Variants in OLA1 observed in about 807,000 individuals in gnomAD.
OLA1 encodes the protein Obg like ATPase 1.
OLA1 carries 14 observed loss-of-function variants against 48.4 expected under a neutral mutation model. That is an observed-to-expected ratio of 0.29 (90% CI 0.19 to 0.45). The LOEUF is 0.45. Among genes scored for constraint, OLA1 ranks in the 20% least tolerant of loss-of-function variants. The pLI is 1.00. For synonymous variants in OLA1, 127 were observed against 150.4 expected, an observed-to-expected ratio of 0.84 and a Z score of 1.14; for missense variants, 325 against 467.1, an observed-to-expected ratio of 0.70 and a Z score of 2.80.
At chr2:174,238,694 A>T (rs939926517) in intron 2 of OLA1, among the ~76,000 whole-genome samples, 2 of 152,018 alleles carry the variant, frequency 1.3e-5, no homozygotes, top group Admixed American at 1.3e-4. Flanking sequence ...GTCACATGTG[A>T]CCCAGAAATT....
chr2:174,179,011 C>T (rs1307096170), intron 4 of OLA1, among the ~76,000 whole-genome samples: 1 of 151,804 alleles, frequency 6.6e-6, no homozygotes, highest in East Asian at 1.9e-4. Context: ...AGTTTATGAT[C>T]TGAGCTATAT....
chr2:174,092,721 C>T lies in OLA1; in HGVS notation c.729-10657G>A, dbSNP rs938320681. ...ACATACCTTATCTACTTGTCTTCTACCAGAGTCAACCTTCAGAAATTAATA... is the reference window on the plus strand; with the variant it reads ...ACATACCTTATCTACTTGTCTTCTATCAGAGTCAACCTTCAGAAATTAATA... On this transcript the variant is annotated intron_variant, in intron 7 of 10. Coordinates refer to ENST00000284719, the MANE Select transcript of OLA1 (RefSeq NM_013341.5). Among the ~76,000 whole-genome samples, 26 of 151,658 alleles carry T rather than the reference C, an allele frequency of 1.7e-4. 1 individual carries two copies. Among genetic ancestry groups the T allele is most frequent in the African/African-American group, 6.3e-4 (26 of 40,988 alleles).
At chr2:174,098,276 G>A (rs764962049) in intron 7 of OLA1, among the ~76,000 whole-genome samples, 1 of 152,094 alleles carries the variant, frequency 6.6e-6, no homozygotes. Flanking sequence ...GCAACCTGTG[G>A]CAAAACTTTC....
At chr2:174,180,061 T>C (rs924381924) in intron 4 of OLA1, among the ~76,000 whole-genome samples, 10 of 152,122 alleles carry the variant, frequency 6.6e-5, no homozygotes, top group Admixed American at 2.0e-4. Flanking sequence ...AGGGCAACCT[T>C]AAGTTTATTT....
At chr2:174,140,369 CTT>C (rs111932848) in intron 5 of OLA1, among the ~76,000 whole-genome samples, 3 of 144,068 alleles carry the variant, frequency 2.1e-5, no homozygotes, top group Non-Finnish European at 1.5e-5. Context: ...CTTTTTCTTT[CTT>C]TTTTTTTTTT....
At chr2:174,193,602 C>G (rs10930652) in intron 4 of OLA1, among the ~76,000 whole-genome samples, 79,610 of 151,974 alleles carry the variant, frequency 0.52, 21,361 homozygotes, top group East Asian at 0.93. Flanking sequence ...TAGTTAGGCA[C>G]TGGGCTGGGT....
chr2:174,241,025 C>A (rs972600950), intron 2 of OLA1, among the ~76,000 whole-genome samples: 1 of 152,198 alleles, frequency 6.6e-6, no homozygotes, highest in African/African-American at 2.4e-5. Flanking sequence ...CAAAAGATTT[C>A]TGTGTAAGTT....
At chr2:174,174,846 A>C (rs1411058003) in intron 4 of OLA1, among the ~76,000 whole-genome samples, 1 of 152,056 alleles carries the variant, frequency 6.6e-6, no homozygotes, top group Non-Finnish European at 1.5e-5. Flanking sequence ...GGGTCAGAAG[A>C]CCTACACTAT....
At chr2:174,234,656 G>C (rs918108987) in intron 2 of OLA1, among the ~76,000 whole-genome samples, 3 of 152,028 alleles carry the variant, frequency 2.0e-5, no homozygotes, top group Non-Finnish European at 4.4e-5. Flanking sequence ...TAGAGACAGG[G>C]TTTCACCCTG....
Position 174,075,205 on chromosome 2 carries a change from A to C in OLA1, c.*221T>G. 1 of 451,018 alleles carries C rather than the reference A, an allele frequency of 2.2e-6. No individual in the cohort carries two copies. The highest frequency in any genetic ancestry group is 4.0e-6 in the Non-Finnish European group (1 of 250,360). The allele number at this position is 451,018 out of a possible 1,614,324, so 27.9% of individuals were successfully genotyped here. ...CTTCTACAATTTGGAGTAGGGTCTT[A>C]ATCACGTGAAAAGCAAAGCTGTTCA... On this transcript the variant is annotated 3_prime_UTR_variant, in exon 11 of 11. Coordinates refer to ENST00000284719, the MANE Select transcript of OLA1 (RefSeq NM_013341.5).
At chr2:174,144,930 TAAAAAAAA>T (rs71021671) in intron 4 of OLA1, among the ~76,000 whole-genome samples, 21 of 41,098 alleles carry the variant, frequency 5.1e-4, no homozygotes, top group Admixed American at 1.3e-3. Context: ...AGACCCTGTT[TAAAAAAAA>T]AAAAAAAAAA....
At chr2:174,194,640 G>A (rs1248589010) in intron 4 of OLA1, among the ~76,000 whole-genome samples, 2 of 152,090 alleles carry the variant, frequency 1.3e-5, no homozygotes, top group Non-Finnish European at 2.9e-5. Context: ...AAATTAACAT[G>A]TGCCCAATTC....
chr2:174,150,269 C>T lies in OLA1; in HGVS notation c.374-8269G>A, dbSNP rs139337393. 4.1e-3 allele frequency among the ~76,000 whole-genome samples: 623 copies of T among 152,188 alleles called. 7 individuals carry two copies. Among genetic ancestry groups the T allele is most frequent in the African/African-American group, 0.014 (585 of 41,530 alleles). On this transcript the variant is annotated intron_variant, in intron 4 of 10. Transcript: ENST00000284719. ...GTGGGTTTGTTATAAAAAGTTCGGC[C>T]ATCTCTTATGAGCTCCACCACCATA... is the stretch of plus-strand genomic sequence containing the variant.
chr2:174,093,037 G>C (rs1360963078), intron 7 of OLA1, among the ~76,000 whole-genome samples: 1 of 152,170 alleles, frequency 6.6e-6, no homozygotes, highest in Non-Finnish European at 1.5e-5. Flanking sequence ...TCTGCTTCAA[G>C]GCTACTAAGA....
chr2:174,214,430 G>GC (rs1231618489), intron 4 of OLA1, among the ~76,000 whole-genome samples: 2 of 152,150 alleles, frequency 1.3e-5, no homozygotes, highest in Non-Finnish European at 2.9e-5. Flanking sequence ...GGTCAGGTAG[G>GC]CCTCTTGGTT....
At chr2:174,230,945 G>A (rs1218926057) in intron 2 of OLA1, among the ~76,000 whole-genome samples, 2 of 152,182 alleles carry the variant, frequency 1.3e-5, no homozygotes, top group Admixed American at 6.5e-5. Context: ...TTACCCTGGG[G>A]ACCTGTGCCC....
At chr2:174,200,424 A>G (rs1044536853) in intron 4 of OLA1, among the ~76,000 whole-genome samples, 1 of 152,230 alleles carries the variant, frequency 6.6e-6, no homozygotes. Context: ...AGTTAGAAAA[A>G]GAAACCAAGG....
intron 4 of OLA1, among the ~76,000 whole-genome samples, chr2:174,171,033 T>C (rs546607120): frequency 6.6e-6 from 1 of 152,352 alleles, no homozygotes; most frequent in Non-Finnish European, 1.5e-5. Context: ...TATTTTTAAA[T>C]GAGAAAAAAG....
At chr2:174,207,919 A>G (rs6735980) in intron 4 of OLA1, among the ~76,000 whole-genome samples, 6,453 of 152,250 alleles carry the variant, frequency 0.042, 489 homozygotes, top group African/African-American at 0.15. Flanking sequence ...CCAAATGTGG[A>G]CAGAAAATAC....
Sources: allele counts gnomAD v4.1 joint callset (sites outside exome capture counted in the v4.1 genomes callset), GRCh38; gene constraint gnomAD v4.1.1; transcripts MANE v1.5; gene names NCBI Gene and HGNC (gene_info 2026-07-23, HGNC 2026-07-21).